The following RING1 variants were observed in gnomAD, a reference collection of about 807,000 sequenced individuals.
The protein encoded by RING1 is E3 ubiquitin-protein ligase RING1.
RING1 carries 8 observed loss-of-function variants against 35.0 expected under a neutral mutation model. The ratio of observed to expected loss-of-function variants is 0.23; its 90% confidence interval spans 0.13 to 0.41. The LOEUF (loss-of-function observed/expected upper bound fraction) is 0.41, where lower values mean the gene tolerates loss of function less well. Ranked by LOEUF, RING1 falls within the 10% of genes least tolerant of loss-of-function variation. The pLI is 1.00. For missense variants in RING1, 343 were observed against 546.8 expected (o/e 0.63, Z 3.72); for synonymous variants, 214 against 224.3 (o/e 0.95, Z 0.41).
At position 33,211,454 on chromosome 6, in the gene RING1, G is replaced by A; in HGVS notation, c.752G>A (p.Gly251Glu). The change falls in exon 5 of 7, where the codon GGG becomes GAG. Residue 251 changes from glycine (G) to glutamate (E), a missense_variant. This residue lies in a region of RING1 where 278 missense variants were observed against 383.5 expected (regional missense o/e 0.72). Transcript: ENST00000374656. The surrounding 1 kb of genome is among the most constrained non-coding windows in gnomAD (Gnocchi z 6.3). ...GGTLGPPSPP[G>E]APSPPEPGGE... is the part of the protein sequence containing the mutation. ...ACGCTGGGCCCCCCAAGCCCTCCTGGGGCCCCCAGCCCCCCAGAGCCAGGT... is the reference window on the plus strand; with the variant it reads ...ACGCTGGGCCCCCCAAGCCCTCCTGAGGCCCCCAGCCCCCCAGAGCCAGGT... The A allele has an allele frequency of 6.3e-7, 1 of 1,597,540 alleles. No individual in the cohort carries two copies. The highest frequency in any genetic ancestry group is 1.1e-5 in the South Asian group (1 of 89,668).
Position 33,211,861 on chromosome 6 carries a change from C to G in RING1, c.978C>G (p.Thr326=). The change falls in exon 6 of 7, where the codon ACC becomes ACG. Residue 326 remains threonine, a synonymous_variant. Coordinates refer to ENST00000374656, the MANE Select transcript of RING1 (RefSeq NM_002931.4). The surrounding 1 kb of genome is among the most constrained non-coding windows in gnomAD (Gnocchi z 6.3). ...PGGPGGGASD[T]GGPDGCGGEG... Reference sequence around the variant, plus strand: ...GGCCTGGAGGGGGCGCCTCTGACACCGGAGGACCTGATGGGTGTGGCGGGG... The same window carrying G: ...GGCCTGGAGGGGGCGCCTCTGACACGGGAGGACCTGATGGGTGTGGCGGGG... The G allele has an allele frequency of 1.9e-6, 3 of 1,593,858 alleles. No homozygotes were observed. The highest frequency in any genetic ancestry group is 1.7e-6 in the Non-Finnish European group (2 of 1,168,884).
In RING1 at chr6:33,208,921, C is replaced by G; in HGVS notation, c.78+21C>G. ...CGCAGGTGACAGGCATTCTCCCTTTCAGGCTTACCCCCTCCCCCAAACCCT... is the reference window on the plus strand; with the variant it reads ...CGCAGGTGACAGGCATTCTCCCTTTGAGGCTTACCCCCTCCCCCAAACCCT... On this transcript the variant is annotated intron_variant, in intron 2 of 6. Transcript: ENST00000374656. This position sits in a 1 kb window ranked among gnomAD's most constrained non-coding sequence, Gnocchi z 6.2. 1 of 1,589,908 alleles carries G rather than the reference C, an allele frequency of 6.3e-7. No individual in the cohort carries two copies. Among genetic ancestry groups the G allele is most frequent in the Non-Finnish European group, 8.6e-7 (1 of 1,161,716 alleles).
In RING1 at chr6:33,211,948, C is replaced by T. The variant is rs368593830; in HGVS notation, c.1065C>T (p.Gly355=). The T allele has an allele frequency of 1.7e-5, 27 of 1,588,814 alleles. No individual in the cohort carries two copies. The highest frequency in any genetic ancestry group is 2.1e-5 in the Non-Finnish European group (25 of 1,167,926). The stretch of plus-strand genomic sequence containing the variant: ...AGCCTGCTTTGCCCAGCCTGGAGGG[C>T]GTCAGTGAAAAGCAGTACACCATCT... The part of the protein sequence containing the change: ...PEEPALPSLE[G]VSEKQYTIYI... The change falls in exon 6 of 7, where the codon GGC becomes GGT. Residue 355 remains glycine (G), a synonymous_variant. Coordinates refer to ENST00000374656, the MANE Select transcript of RING1 (RefSeq NM_002931.4). The surrounding 1 kb of genome is among the most constrained non-coding windows in gnomAD (Gnocchi z 6.3).
chr6:33,210,014 C>T lies in RING1; in HGVS notation c.339C>T (p.Ser113=), dbSNP rs778190373. 8 of 1,614,212 alleles carry T rather than the reference C, an allele frequency of 5.0e-6. No homozygotes were observed. The highest frequency in any genetic ancestry group is 6.8e-6 in the Non-Finnish European group (8 of 1,180,042). ...FDALISKIYP[S]REEYEAHQDR... is the part of the protein sequence containing the mutation. ...CCCTGATCTCTAAGATCTATCCTAG[C>T]CGGGAGGAATACGAGGCCCATCAAG... The change falls in exon 4 of 7, where the codon AGC becomes AGT. Residue 113 remains serine (S), a synonymous_variant. Transcript: ENST00000374656.
rs370939105 is a variant in RING1, at chr6:33,210,143, G to A, written c.455+13G>A. 105 of 1,612,258 alleles carry A rather than the reference G, an allele frequency of 6.5e-5. No homozygotes were observed. Among genetic ancestry groups the A allele is most frequent in the Non-Finnish European group, 8.9e-5 (105 of 1,179,326 alleles). On this transcript the variant is annotated intron_variant, in intron 4 of 6. Transcript: ENST00000374656. ...AGGCCATGCACAGGTGTGAGGGTCAGGAGAGAAGCAGAACTGATGGGATGG... is the reference window on the plus strand; with the variant it reads ...AGGCCATGCACAGGTGTGAGGGTCAAGAGAGAAGCAGAACTGATGGGATGG...
At position 33,211,768 on chromosome 6, in the gene RING1, C is replaced by G. The variant is rs374501579; in HGVS notation, c.885C>G (p.Leu295=). 1.1e-5 allele frequency: 18 copies of G among 1,566,608 alleles called. No homozygotes were observed. Among genetic ancestry groups the G allele is most frequent in the Non-Finnish European group, 1.5e-5 (17 of 1,154,694 alleles). Residue 295 remains leucine (L), a synonymous_variant, in exon 6 of 7, where the codon CTC becomes CTG. Coordinates refer to ENST00000374656, the MANE Select transcript of RING1 (RefSeq NM_002931.4). This position sits in a 1 kb window ranked among gnomAD's most constrained non-coding sequence, Gnocchi z 6.3. ...KTTGNATVDH[L]SKYLALRIAL... ...CTGGGAATGCCACAGTGGACCACCTCTCCAAGTACTTGGCCCTGCGCATTG... is the reference window on the plus strand; with the variant it reads ...CTGGGAATGCCACAGTGGACCACCTGTCCAAGTACTTGGCCCTGCGCATTG...
rs1775493684 is a variant in RING1, at chr6:33,211,113, C to T, written c.456-45C>T. ...ATTCTCTGAAGTTTAAAGTCTAAGC[C>T]CTTTATCCTGGATGCCTTCTAACCT... On this transcript the variant is annotated intron_variant, in intron 4 of 6. Coordinates refer to ENST00000374656, the MANE Select transcript of RING1 (RefSeq NM_002931.4). The surrounding 1 kb of genome is among the most constrained non-coding windows in gnomAD (Gnocchi z 6.3). 3 of 1,524,452 alleles carry T rather than the reference C, an allele frequency of 2.0e-6. No homozygotes were observed. Among genetic ancestry groups the T allele is most frequent in the South Asian group, 1.3e-5 (1 of 77,324 alleles). 94.4% of individuals were successfully genotyped at this position (1,524,452 alleles called of 1,614,324 possible). A position where few individuals can be genotyped will look rare whatever the true frequency, so the allele number is the denominator to read the frequency against.
chr6:33,212,355 C>T lies in RING1; in HGVS notation c.1177C>T (p.Arg393Trp), dbSNP rs1562456972. The T allele has an allele frequency of 4.4e-6, 7 of 1,596,610 alleles. No individual in the cohort carries two copies. Among genetic ancestry groups the T allele is most frequent in the Non-Finnish European group, 6.0e-6 (7 of 1,171,858 alleles). ...GAATGAGAAATTCTGGAAGGTGTCC[C>T]GGCCACTGGAGCTGTGCTATGCTCC... The part of the protein sequence containing the change: ...LVNEKFWKVS[R>W]PLELCYAPTK... Residue 393 changes from arginine to tryptophan, a missense_variant, in exon 7 of 7, where the codon CGG becomes TGG. By Grantham distance (101) the Arg-to-Trp change is moderately radical. Coordinates refer to ENST00000374656, the MANE Select transcript of RING1 (RefSeq NM_002931.4).
chr6:33,208,671 G>C lies in RING1; in HGVS notation c.-59+27G>C, dbSNP rs1035451572. On this transcript the variant is annotated intron_variant, in intron 1 of 6. Transcript: ENST00000374656. The surrounding 1 kb of genome is among the most constrained non-coding windows in gnomAD (Gnocchi z 6.2). The stretch of plus-strand genomic sequence containing the variant: ...TGAGGGGCAGTGCCGGCGCGGGGGC[G>C]GGAGCGGGGGCGGAGAGGGGCGCTT... 11 of 621,868 alleles carry C rather than the reference G, an allele frequency of 1.8e-5. No individual in the cohort carries two copies. Among genetic ancestry groups the C allele is most frequent in the Non-Finnish European group, 2.7e-6 (1 of 371,220 alleles). The allele number at this position is 621,868 out of a possible 1,614,324, so 38.5% of individuals were successfully genotyped here.
chr6:33,212,663 C>G lies in RING1; in HGVS notation c.*264C>G. On this transcript the variant is annotated 3_prime_UTR_variant, in exon 7 of 7. Coordinates refer to ENST00000374656, the MANE Select transcript of RING1 (RefSeq NM_002931.4). ...CGAGGTGTTGGAGAAGGTGAAGAAC[C>G]CTCCCATTCACGCCCGCCTACCAAC... 1 of 382,016 alleles carries G rather than the reference C, an allele frequency of 2.6e-6. No individual in the cohort carries two copies. The highest frequency in any genetic ancestry group is 2.1e-5 in the African/African-American group (1 of 48,594). The allele number at this position is 382,016 out of a possible 1,614,324, so 23.7% of individuals were successfully genotyped here.
rs752021849 is a variant in RING1, at chr6:33,208,930, C to T, written c.78+30C>T. ...CAGGCATTCTCCCTTTCAGGCTTAC[C>T]CCCTCCCCCAAACCCTTATATCCAC... On this transcript the variant is annotated intron_variant, in intron 2 of 6. Coordinates refer to ENST00000374656, the MANE Select transcript of RING1 (RefSeq NM_002931.4). The surrounding 1 kb of genome is among the most constrained non-coding windows in gnomAD (Gnocchi z 6.2). 1.7e-5 allele frequency: 27 copies of T among 1,569,650 alleles called. No individual in the cohort carries two copies. The highest frequency in any genetic ancestry group is 2.1e-5 in the Non-Finnish European group (24 of 1,145,290).
chr6:33,209,468 A>G lies in RING1; in HGVS notation c.79-158A>G, dbSNP rs1775383022. The G allele has an allele frequency of 1.5e-6, 1 of 677,352 alleles. No homozygotes were observed. The highest frequency in any genetic ancestry group is 1.9e-5 in the South Asian group (1 of 51,392). 42.0% of individuals were successfully genotyped at this position (677,352 alleles called of 1,614,324 possible). The stretch of plus-strand genomic sequence containing the variant: ...GTCTGTCTTTTCTCCATTTGCTCCA[A>G]GTCATCAGTCCTTCTCTTTCTCAGA... On this transcript the variant is annotated intron_variant, in intron 2 of 6. Coordinates refer to ENST00000374656, the MANE Select transcript of RING1 (RefSeq NM_002931.4). The surrounding 1 kb of genome is among the most constrained non-coding windows in gnomAD (Gnocchi z 5.1).
chr6:33,208,743 C>T lies in RING1; in HGVS notation c.-58-22C>T. 1 of 1,219,308 alleles carries T rather than the reference C, an allele frequency of 8.2e-7. No homozygotes were observed. Among genetic ancestry groups the T allele is most frequent in the Non-Finnish European group, 1.1e-6 (1 of 894,436 alleles). 75.5% of individuals were successfully genotyped at this position (1,219,308 alleles called of 1,614,324 possible). On this transcript the variant is annotated intron_variant, in intron 1 of 6. Transcript: ENST00000374656. This position sits in a 1 kb window ranked among gnomAD's most constrained non-coding sequence, Gnocchi z 6.2. ...GAGGGGCGGCCCCCCTGACGCCCTC[C>T]TCCCCTTCCCCCCACCCCCAGCCTT... is the stretch of plus-strand genomic sequence containing the variant.
chr6:33,209,769 C>G lies in RING1; in HGVS notation c.222C>G (p.Val74=). 1 of 1,613,870 alleles carries G rather than the reference C, an allele frequency of 6.2e-7. No homozygotes were observed. The highest frequency in any genetic ancestry group is 1.1e-5 in the South Asian group (1 of 91,088). ...ACAGATTCTGCTCTGACTGCATTGT[C>G]ACAGCCCTACGGAGCGGGTAATAGG... ...CLHRFCSDCI[V]TALRSGNKEC... The change falls in exon 3 of 7, where the codon GTC becomes GTG. Residue 74 remains valine (V), a synonymous_variant. Coordinates refer to ENST00000374656, the MANE Select transcript of RING1 (RefSeq NM_002931.4). This position sits in a 1 kb window ranked among gnomAD's most constrained non-coding sequence, Gnocchi z 5.1.
Position 33,212,561 on chromosome 6 carries a change from T to C in RING1, c.*162T>C. The stretch of plus-strand genomic sequence containing the variant: ...TATACAAAGTATCTATATGAGATTC[T>C]TCTATATTGTACAGAGTGGGGCAAA... On this transcript the variant is annotated 3_prime_UTR_variant, in exon 7 of 7. Coordinates refer to ENST00000374656, the MANE Select transcript of RING1 (RefSeq NM_002931.4). The C allele has an allele frequency of 3.3e-6, 2 of 598,034 alleles. No homozygotes were observed. The highest frequency in any genetic ancestry group is 4.1e-5 in the South Asian group (2 of 48,626). 37.0% of individuals were successfully genotyped at this position (598,034 alleles called of 1,614,324 possible). A position where few individuals can be genotyped will look rare whatever the true frequency, so the allele number is the denominator to read the frequency against.
Position 33,208,576 on chromosome 6 carries a change from A to T in RING1, c.-127A>T. 1 of 476,492 alleles carries T rather than the reference A, an allele frequency of 2.1e-6. No homozygotes were observed. Among genetic ancestry groups the T allele is most frequent in the Non-Finnish European group, 3.7e-6 (1 of 273,676 alleles). 29.5% of individuals were successfully genotyped at this position (476,492 alleles called of 1,614,324 possible). A position where few individuals can be genotyped will look rare whatever the true frequency, so the allele number is the denominator to read the frequency against. On this transcript the variant is annotated 5_prime_UTR_variant, in exon 1 of 7. Coordinates refer to ENST00000374656, the MANE Select transcript of RING1 (RefSeq NM_002931.4). The surrounding 1 kb of genome is among the most constrained non-coding windows in gnomAD (Gnocchi z 6.2). ...CTGAGCAGCGGTTGCGGACCGAGCG[A>T]ACTTGGCCCAGGAGCCCGGGCCTAG...
In RING1 at chr6:33,209,577, C is replaced by T; in HGVS notation, c.79-49C>T. 1 of 1,572,212 alleles carries T rather than the reference C, an allele frequency of 6.4e-7. No homozygotes were observed. Among genetic ancestry groups the T allele is most frequent in the Non-Finnish European group, 8.7e-7 (1 of 1,153,252 alleles). On this transcript the variant is annotated intron_variant, in intron 2 of 6. Transcript: ENST00000374656. This position sits in a 1 kb window ranked among gnomAD's most constrained non-coding sequence, Gnocchi z 5.1. ...ATTTTATGGGCTGCTGTTTCTAAAA[C>T]CCCTTTCCCTCTAACCCACACCACC...
At chr6:33,210,199 C>T in intron 4 of RING1, 69 bp downstream of exon 4, 1 of 1,403,934 alleles carries the variant, frequency 7.1e-7, no homozygotes, top group Non-Finnish European at 9.9e-7. Flanking sequence ...TGCCTGCTAG[C>T]TTCTAAGCCT....
At position 33,211,076 on chromosome 6, in the gene RING1, TC is replaced by T; in HGVS notation, c.456-81del. On this transcript the variant is annotated intron_variant, in intron 4 of 6. Coordinates refer to ENST00000374656, the MANE Select transcript of RING1 (RefSeq NM_002931.4). The surrounding 1 kb of genome is among the most constrained non-coding windows in gnomAD (Gnocchi z 6.3). ...TATTAGGTATCGTCATTAGGATTTTTCTTATCTCTTAATTCTCTGAAGTTTA... is the reference window on the plus strand; with the variant it reads ...TATTAGGTATCGTCATTAGGATTTTTTTATCTCTTAATTCTCTGAAGTTTA... The T allele has an allele frequency of 2.1e-6, 3 of 1,438,086 alleles. No homozygotes were observed. The highest frequency in any genetic ancestry group is 2.8e-6 in the Non-Finnish European group (3 of 1,072,672). 89.1% of individuals were successfully genotyped at this position (1,438,086 alleles called of 1,614,324 possible).
Sources: allele counts gnomAD v4.1 joint callset, GRCh38; gene constraint gnomAD v4.1.1; regional missense constraint gnomAD v4.1.1; non-coding constraint Gnocchi (gnomAD v3.1); transcripts MANE v1.5; gene names NCBI Gene and HGNC (gene_info 2026-07-23, HGNC 2026-07-21).